The following LRP1B variants were observed in gnomAD, a reference collection of about 807,000 sequenced individuals.
The protein encoded by LRP1B is low-density lipoprotein receptor-related protein 1B.
A neutral mutation model predicts 556.6 loss-of-function variants in LRP1B; 217 were observed. That is an observed-to-expected ratio of 0.39 (90% CI 0.35 to 0.44). The LOEUF is 0.44. LRP1B is among the 20% of genes least tolerant of loss of function. The pLI is 1.00. For synonymous variants in LRP1B, 2,047 were observed against 1,865.8 expected (o/e 1.10, Z -2.50); for missense variants, 5,053 against 5,620.8 (o/e 0.90, Z 3.23).
At chr2:142,096,438 T>C (rs1307711038) in intron 1 of LRP1B, among the ~76,000 whole-genome samples, 1 of 135,886 alleles carries the variant, frequency 7.4e-6, no homozygotes, top group Non-Finnish European at 1.6e-5. Context: ...AAATAAATTG[T>C]ATTTTTTTTT....
intron 7 of LRP1B, among the ~76,000 whole-genome samples, chr2:141,182,268 C>A (rs918579991): frequency 1.3e-5 from 2 of 152,062 alleles, no homozygotes; most frequent in Admixed American, 6.6e-5. Flanking sequence ...TTACATAATA[C>A]CACCCACTGA....
chr2:141,481,834 A>G (rs1200071949), intron 2 of LRP1B, among the ~76,000 whole-genome samples: 1 of 152,178 alleles, frequency 6.6e-6, no homozygotes, highest in Non-Finnish European at 1.5e-5. Context: ...GGATTCTATC[A>G]AAAGCTCTTA....
At chr2:140,767,254 T>C (rs960229524) in intron 35 of LRP1B, among the ~76,000 whole-genome samples, 5 of 152,066 alleles carry the variant, frequency 3.3e-5, no homozygotes, top group Non-Finnish European at 1.5e-5. Context: ...CTATTCTGTA[T>C]GCTTGCATCC....
chr2:141,067,938 C>G (rs1699523677), intron 7 of LRP1B, among the ~76,000 whole-genome samples: 1 of 151,888 alleles, frequency 6.6e-6, no homozygotes, highest in African/African-American at 2.4e-5. Flanking sequence ...AGACATGTCT[C>G]CCTTGAGTGA....
intron 1 of LRP1B, among the ~76,000 whole-genome samples, chr2:141,941,466 A>G (rs1373183265): frequency 6.6e-6 from 1 of 152,194 alleles, no homozygotes; most frequent in Non-Finnish European, 1.5e-5. Context: ...GCTGCTGGGA[A>G]AGCTTGAGCC....
At chr2:141,308,897 CA>C (rs1300189483) in intron 3 of LRP1B, among the ~76,000 whole-genome samples, 1 of 151,832 alleles carries the variant, frequency 6.6e-6, no homozygotes, top group Non-Finnish European at 1.5e-5. Context: ...ATAGTATTTG[CA>C]AGAAACTTTC....
chr2:141,415,264 C>G (rs530534950), intron 3 of LRP1B, among the ~76,000 whole-genome samples: 1 of 152,176 alleles, frequency 6.6e-6, no homozygotes, highest in African/African-American at 2.4e-5. Flanking sequence ...CCGCCTGCCT[C>G]GGCCTCCCAA....
chr2:141,332,093 T>A (rs556210730), intron 3 of LRP1B, among the ~76,000 whole-genome samples: 4 of 152,202 alleles, frequency 2.6e-5, no homozygotes, highest in African/African-American at 9.6e-5. Context: ...ACTATGGAGC[T>A]ATTCTGTAAT....
chr2:141,539,105 T>C (rs1209937007), intron 2 of LRP1B, among the ~76,000 whole-genome samples: 1 of 152,140 alleles, frequency 6.6e-6, no homozygotes, highest in Non-Finnish European at 1.5e-5. Flanking sequence ...AGCTGACAAA[T>C]TATCAATGAT....
chr2:141,713,275 G>T (rs1481301577), intron 2 of LRP1B, among the ~76,000 whole-genome samples: 1 of 151,962 alleles, frequency 6.6e-6, no homozygotes, highest in African/African-American at 2.4e-5. Context: ...TCTTAATCCA[G>T]CTTTTAATTG....
chr2:140,513,405 T>G (rs1392649802), intron 51 of LRP1B, among the ~76,000 whole-genome samples: 1 of 152,092 alleles, frequency 6.6e-6, no homozygotes, highest in Admixed American at 6.5e-5. Flanking sequence ...GAAACAGTGC[T>G]CATCCTATTG....
intron 60 of LRP1B, among the ~76,000 whole-genome samples, chr2:140,465,837 T>A (rs1687524225): frequency 6.6e-6 from 1 of 152,166 alleles, no homozygotes; most frequent in Admixed American, 6.5e-5. Context: ...GAAATGGCAG[T>A]TAATTTCAAT....
chr2:142,096,860 C>G (rs1706390358), intron 1 of LRP1B, among the ~76,000 whole-genome samples: 1 of 151,322 alleles, frequency 6.6e-6, no homozygotes, highest in South Asian at 2.1e-4. Flanking sequence ...GTTTTTTAAC[C>G]CTTTCTCCTC....
At chr2:142,049,168 G>T (rs930762739) in intron 1 of LRP1B, among the ~76,000 whole-genome samples, 119 of 152,092 alleles carry the variant, frequency 7.8e-4, no homozygotes, top group African/African-American at 2.7e-3. Context: ...AGTACTAAGT[G>T]CATGAACAAT....
chr2:141,309,907 T>C (rs1023658005), intron 3 of LRP1B, among the ~76,000 whole-genome samples: 1 of 152,108 alleles, frequency 6.6e-6, no homozygotes, highest in Non-Finnish European at 1.5e-5. Flanking sequence ...GAAAGATAAG[T>C]GTTCCTTAAA....
chr2:141,698,428 T>C (rs1691810610), intron 2 of LRP1B, among the ~76,000 whole-genome samples: 1 of 149,422 alleles, frequency 6.7e-6, no homozygotes, highest in Non-Finnish European at 1.5e-5. Flanking sequence ...AAAATATCAG[T>C]GAAACCTAAA....
At chr2:140,836,237 A>G (rs952745102) in intron 31 of LRP1B, among the ~76,000 whole-genome samples, 1 of 152,212 alleles carries the variant, frequency 6.6e-6, no homozygotes, top group African/African-American at 2.4e-5. Context: ...TTCTAAAAAT[A>G]ACCACAAAAG....
At chr2:141,929,912 C>CAAAAAAAAAAAAAAA (rs70994467) in intron 1 of LRP1B, among the ~76,000 whole-genome samples, 1 of 104,134 alleles carries the variant, frequency 9.6e-6, no homozygotes, top group African/African-American at 3.8e-5. Flanking sequence ...CGGATGGAAA[C>CAAAAAAAAAAAAAAA]AAAAAAAAAA....
chr2:141,179,159 C>T (rs1201094533), intron 7 of LRP1B, among the ~76,000 whole-genome samples: 1 of 151,720 alleles, frequency 6.6e-6, no homozygotes, highest in African/African-American at 2.4e-5. Context: ...TTTGTTTTTG[C>T]AGAAAATGAA....
Sources: gnomAD v4.1 joint callset for allele counts (sites outside exome capture counted in the v4.1 genomes callset) on GRCh38, gnomAD v4.1.1 for gene constraint, MANE v1.5 for transcripts, NCBI Gene and HGNC (gene_info 2026-07-23, HGNC 2026-07-21) for gene names.